CNTN4: variants seen among roughly 807,000 people sequenced by gnomAD.
The protein encoded by CNTN4 is contactin 4, also known as contactin-4.
Under a neutral mutation model 122.5 loss-of-function variants are expected in CNTN4, and 77 were observed. The ratio of observed to expected loss-of-function variants is 0.63; its 90% CI spans 0.52 to 0.76. The LOEUF is 0.76. Among genes scored for constraint, CNTN4 ranks in the 30% least tolerant of loss-of-function variants. CNTN4 has a pLI of 0.00. For missense variants in CNTN4, 1,256 were observed against 1,259.1 expected, an observed-to-expected ratio of 1.00 and a Z score of 0.04; for synonymous variants, 512 against 447.0, an observed-to-expected ratio of 1.15 and a Z score of -1.83.
At chr3:2,849,436 A>T (rs568853882) in intron 7 of CNTN4, among the ~76,000 whole-genome samples, 35 of 152,204 alleles carry the variant, frequency 2.3e-4, no homozygotes, top group African/African-American at 8.2e-4. Context: ...TGCCACACTA[A>T]TTTTTTTTAA....
intron 3 of CNTN4, among the ~76,000 whole-genome samples, chr3:2,541,489 G>A (rs576692666): frequency 6.6e-5 from 10 of 152,160 alleles, no homozygotes; most frequent in South Asian, 4.1e-4. Context: ...AATTCTGATA[G>A]CACTTAGTAA....
intron 13 of CNTN4, among the ~76,000 whole-genome samples, chr3:2,978,282 C>T (rs545602255): frequency 2.6e-5 from 4 of 152,188 alleles, no homozygotes; most frequent in Admixed American, 6.5e-5. Context: ...GGGGATAGAT[C>T]GTGGCCTCAT....
intron 4 of CNTN4, among the ~76,000 whole-genome samples, chr3:2,580,576 T>C (rs1277041008): frequency 6.6e-6 from 1 of 152,216 alleles, no homozygotes; most frequent in East Asian, 1.9e-4. Flanking sequence ...CTCCCCTTGC[T>C]GATTTTAATC....
chr3:2,431,209 A>G (rs978410229), intron 3 of CNTN4, among the ~76,000 whole-genome samples: 1 of 152,234 alleles, frequency 6.6e-6, no homozygotes, highest in Non-Finnish European at 1.5e-5. Flanking sequence ...CCGCACCTGT[A>G]CTAGAATATT....
chr3:2,814,938 A>G (rs554204122), intron 6 of CNTN4, among the ~76,000 whole-genome samples: 2 of 152,208 alleles, frequency 1.3e-5, no homozygotes, highest in Non-Finnish European at 2.9e-5. Context: ...TATTGTTGCT[A>G]TTAGTGTGAT....
At chr3:2,836,068 C>A (rs1333321298) in intron 7 of CNTN4, among the ~76,000 whole-genome samples, 5 of 151,884 alleles carry the variant, frequency 3.3e-5, no homozygotes, top group African/African-American at 1.2e-4. Flanking sequence ...TATTTAAAAT[C>A]ATTTAAAAAA....
intron 13 of CNTN4, among the ~76,000 whole-genome samples, chr3:2,961,113 C>T (rs2094851607): frequency 7.1e-6 from 1 of 141,674 alleles, no homozygotes; most frequent in Non-Finnish European, 1.5e-5. Flanking sequence ...GCCTGTAGTC[C>T]CAGCTACTCG....
intron 3 of CNTN4, among the ~76,000 whole-genome samples, chr3:2,473,273 C>T (rs1264812093): frequency 1.2e-4 from 18 of 151,788 alleles, no homozygotes; most frequent in Non-Finnish European, 5.9e-5. Flanking sequence ...CATTACTCTC[C>T]TGCTGTACTA....
At chr3:2,464,781 C>T (rs2075438888) in intron 3 of CNTN4, among the ~76,000 whole-genome samples, 1 of 152,212 alleles carries the variant, frequency 6.6e-6, no homozygotes. Context: ...ATTCCATTTT[C>T]TGGTTCTTCT....
At chr3:2,807,622 T>A (rs1358944198) in intron 6 of CNTN4, among the ~76,000 whole-genome samples, 1 of 152,170 alleles carries the variant, frequency 6.6e-6, no homozygotes, top group African/African-American at 2.4e-5. Context: ...AAGCTGTTAC[T>A]CCCCATACCT....
chr3:2,583,725 GTTCA>G (rs1392102370), intron 4 of CNTN4, among the ~76,000 whole-genome samples: 2 of 152,058 alleles, frequency 1.3e-5, no homozygotes, highest in Non-Finnish European at 2.9e-5. Flanking sequence ...TGAAATAACT[GTTCA>G]TTCATTTAAT....
intron 3 of CNTN4, among the ~76,000 whole-genome samples, chr3:2,516,930 C>G (rs1304196899): frequency 2.0e-5 from 3 of 149,606 alleles, no homozygotes; most frequent in African/African-American, 7.4e-5. Flanking sequence ...CAAGCAATAA[C>G]AAAAGAAAGA....
chr3:2,416,705 G>A (rs961141255), intron 3 of CNTN4, among the ~76,000 whole-genome samples: 29 of 151,852 alleles, frequency 1.9e-4, no homozygotes, highest in African/African-American at 6.3e-4. Context: ...CCAGGCTGGA[G>A]TGCAGTGGTG....
At chr3:2,393,648 C>CT (rs1388682635) in intron 3 of CNTN4, among the ~76,000 whole-genome samples, 9 of 152,086 alleles carry the variant, frequency 5.9e-5, no homozygotes, top group African/African-American at 2.2e-4. Flanking sequence ...ATATTACCTT[C>CT]TTTTTTAAAT....
At chr3:2,969,309 T>C (rs1457983704) in intron 13 of CNTN4, among the ~76,000 whole-genome samples, 4 of 152,148 alleles carry the variant, frequency 2.6e-5, no homozygotes, top group African/African-American at 9.7e-5. Flanking sequence ...AACAAATGTC[T>C]TAGGATGACA....
At chr3:2,976,879 TTC>T (rs1693467031) in intron 13 of CNTN4, among the ~76,000 whole-genome samples, 1 of 152,190 alleles carries the variant, frequency 6.6e-6, no homozygotes, top group African/African-American at 2.4e-5. Flanking sequence ...TTTTTTTTTT[TTC>T]TTTTCAGAGA....
At chr3:2,503,110 A>T (rs1376418290) in intron 3 of CNTN4, among the ~76,000 whole-genome samples, 1 of 152,188 alleles carries the variant, frequency 6.6e-6, no homozygotes, top group East Asian at 1.9e-4. Context: ...GCATAAACAG[A>T]TAGTTACAAT....
At chr3:2,456,981 T>C (rs1430351161) in intron 3 of CNTN4, among the ~76,000 whole-genome samples, 1 of 152,128 alleles carries the variant, frequency 6.6e-6, no homozygotes, top group Non-Finnish European at 1.5e-5. Context: ...ATACTATTAT[T>C]ATCTCTGTTT....
intron 2 of CNTN4, among the ~76,000 whole-genome samples, chr3:2,284,000 T>G (rs2041817362): frequency 6.6e-6 from 1 of 152,134 alleles, no homozygotes. Flanking sequence ...GTTCATCTCT[T>G]GCTATTTGCC....
Sources: gnomAD v4.1 joint callset for allele counts (sites outside exome capture counted in the v4.1 genomes callset) on GRCh38, gnomAD v4.1.1 for gene constraint, MANE v1.5 for transcripts, NCBI Gene and HGNC (gene_info 2026-07-23, HGNC 2026-07-21) for gene names.